NAV2: variants seen among roughly 807,000 people sequenced by gnomAD.
NAV2 encodes neuron navigator 2.
A neutral mutation model predicts 223.2 loss-of-function variants in NAV2; 54 were observed. The observed-to-expected ratio is 0.24, with a 90% CI of 0.19 to 0.30. The LOEUF (loss-of-function observed/expected upper bound fraction) is 0.30, where lower values mean the gene tolerates loss of function less well. Among genes scored for constraint, NAV2 ranks in the 10% least tolerant of loss-of-function variants. NAV2 has a pLI of 1.00. For missense variants in NAV2, 2,806 were observed against 3,147.5 expected (o/e 0.89, Z 2.60); for synonymous variants, 1,279 against 1,239.3 (o/e 1.03, Z -0.67).
At chr11:19,731,980 A>C (rs2051819714) in intron 1 of NAV2, among the ~76,000 whole-genome samples, 1 of 152,166 alleles carries the variant, frequency 6.6e-6, no homozygotes, top group Admixed American at 6.5e-5. Flanking sequence ...TGCTGTTTGC[A>C]AAGGATAATG....
intron 1 of NAV2, among the ~76,000 whole-genome samples, chr11:19,751,894 C>T (rs184150092): frequency 2.0e-5 from 3 of 152,038 alleles, no homozygotes; most frequent in African/African-American, 7.2e-5. Context: ...TTAGACTTGA[C>T]CCAGGTGGTC....
At chr11:19,364,642 A>G (rs190564972) in intron 1 of NAV2, among the ~76,000 whole-genome samples, 5 of 152,306 alleles carry the variant, frequency 3.3e-5, no homozygotes, top group Admixed American at 3.3e-4. Flanking sequence ...CCCTGAACAC[A>G]GTGGGTCATC....
chr11:19,618,108 A>T (rs2046853683), intron 1 of NAV2, among the ~76,000 whole-genome samples: 1 of 152,218 alleles, frequency 6.6e-6, no homozygotes, highest in Non-Finnish European at 1.5e-5. Context: ...AGACTATAAG[A>T]CCCATAAGGC....
chr11:19,416,686 A>G (rs1423398900), intron 1 of NAV2, among the ~76,000 whole-genome samples: 3 of 152,228 alleles, frequency 2.0e-5, no homozygotes, highest in African/African-American at 7.2e-5. Flanking sequence ...ACATTACCTG[A>G]CTTCAAACTA....
intron 10 of NAV2, among the ~76,000 whole-genome samples, chr11:19,980,688 A>T (rs999163395): frequency 2.6e-5 from 4 of 152,224 alleles, no homozygotes; most frequent in African/African-American, 9.6e-5. Context: ...AAGGCAGTCT[A>T]TATTGATGTA....
At chr11:19,454,667 C>A (rs1415511539) in intron 1 of NAV2, among the ~76,000 whole-genome samples, 1 of 152,094 alleles carries the variant, frequency 6.6e-6, no homozygotes. Context: ...GAAGGTGGGC[C>A]AGGCTGATGA....
intron 1 of NAV2, among the ~76,000 whole-genome samples, chr11:19,751,894 C>G (rs184150092): frequency 5.9e-5 from 9 of 152,156 alleles, no homozygotes; most frequent in Admixed American, 5.9e-4. Context: ...TTAGACTTGA[C>G]CCAGGTGGTC....
At chr11:19,762,598 G>T (rs1055289447) in intron 1 of NAV2, among the ~76,000 whole-genome samples, 5 of 149,896 alleles carry the variant, frequency 3.3e-5, no homozygotes, top group Non-Finnish European at 5.9e-5. Context: ...TGTTACTTCA[G>T]CAGAGAAGTC....
intron 1 of NAV2, among the ~76,000 whole-genome samples, chr11:19,677,860 G>A (rs1363502655): frequency 6.6e-6 from 1 of 152,224 alleles, no homozygotes; most frequent in Non-Finnish European, 1.5e-5. Context: ...TTGCAACAAA[G>A]ACCATATGGC....
At chr11:20,001,700 T>C (rs2052565061) in intron 11 of NAV2, among the ~76,000 whole-genome samples, 1 of 66,198 alleles carries the variant, frequency 1.5e-5, no homozygotes, top group Non-Finnish European at 2.8e-5. Flanking sequence ...TACTGGGGCC[T>C]GTTGTGGGGT....
intron 13 of NAV2, 53 bp from the exon 14 acceptor site, chr11:20,044,915 A>T: frequency 6.8e-7 from 1 of 1,474,004 alleles, no homozygotes; most frequent in South Asian, 1.3e-5. Flanking sequence ...AACAGACGAG[A>T]TGGATGAGCT....
intron 2 of NAV2, 88 bp from the exon 3 acceptor site, chr11:19,842,783 G>GTT: frequency 1.7e-6 from 2 of 1,204,554 alleles, no homozygotes; most frequent in Non-Finnish European, 2.5e-6. Flanking sequence ...ATGGGCCTTA[G>GTT]GACTTGGTTG....
At chr11:19,910,183 GGCCAGTGT>G (rs1382080684) in intron 6 of NAV2, among the ~76,000 whole-genome samples, 1 of 152,140 alleles carries the variant, frequency 6.6e-6, no homozygotes, top group African/African-American at 2.4e-5. Flanking sequence ...TGCAGCTAAG[GGCCAGTGT>G]TGACATTTGA....
intron 1 of NAV2, among the ~76,000 whole-genome samples, chr11:19,552,999 G>A (rs1274393869): frequency 1.3e-5 from 2 of 152,298 alleles, no homozygotes; most frequent in East Asian, 1.9e-4. Context: ...CTGCAATTGC[G>A]GAGTGAAAAG....
At chr11:19,392,043 G>A (rs117725973) in intron 1 of NAV2, among the ~76,000 whole-genome samples, 174 of 152,338 alleles carry the variant, frequency 1.1e-3, no homozygotes, top group Non-Finnish European at 2.1e-3. Flanking sequence ...AAGGCCTAGA[G>A]AATGGAGAGT....
intron 1 of NAV2, among the ~76,000 whole-genome samples, chr11:19,391,596 T>C (rs1043330656): frequency 6.6e-6 from 1 of 151,920 alleles, no homozygotes; most frequent in African/African-American, 2.4e-5. Context: ...AACAGTGGGG[T>C]ATGATTTTAA....
At position 20,045,239 on chromosome 11, in the gene NAV2, A is replaced by C. The variant is rs2057320920; in HGVS notation, c.3471A>C (p.Ala1157=). Residue 1157 remains alanine (A), a synonymous_variant, in exon 14 of 38, where the codon GCA becomes GCC. Coordinates refer to ENST00000349880, the MANE Select transcript of NAV2 (RefSeq NM_145117.5). ...TGGGCAAAATCCCAAAGTCATCTGC[A>C]CTCGTCAGTCGGTCTGCTGGTCGGA... The part of the protein sequence containing the change: ...ATLGKIPKSS[A]LVSRSAGRKS... 1.2e-6 allele frequency: 2 copies of C among 1,614,110 alleles called. No individual in the cohort carries two copies. Among genetic ancestry groups the C allele is most frequent in the African/African-American group, 2.7e-5 (2 of 75,028 alleles).
At chr11:19,819,308 G>A (rs1050060853) in intron 1 of NAV2, among the ~76,000 whole-genome samples, 14 of 152,136 alleles carry the variant, frequency 9.2e-5, no homozygotes, top group Non-Finnish European at 1.9e-4. Flanking sequence ...ATGGCTTTAC[G>A]GGGACTGACA....
chr11:19,962,314 C>T (rs2048408745), intron 10 of NAV2, among the ~76,000 whole-genome samples: 3 of 151,952 alleles, frequency 2.0e-5, no homozygotes, highest in South Asian at 4.2e-4. Context: ...CTGATTTAAC[C>T]GTCAGTCTCA....
Sources: allele counts gnomAD v4.1 joint callset (sites outside exome capture counted in the v4.1 genomes callset), GRCh38; gene constraint gnomAD v4.1.1; transcripts MANE v1.5; gene names NCBI Gene and HGNC (gene_info 2026-07-23, HGNC 2026-07-21).